The following SACM1L variants were observed in gnomAD, a reference collection of about 807,000 sequenced individuals.
SACM1L encodes phosphatidylinositol-3-phosphatase SAC1.
In SACM1L, 32 loss-of-function variants were observed where a neutral mutation model predicts 89.5. The ratio of observed to expected loss-of-function variants is 0.36; its 90% CI spans 0.27 to 0.48. SACM1L has a LOEUF of 0.48. Among genes scored for constraint, SACM1L ranks in the 20% least tolerant of loss-of-function variants. The pLI, the probability that SACM1L is intolerant of heterozygous loss-of-function variation, is 0.99. For missense variants in SACM1L, 543 were observed against 708.5 expected (o/e 0.77, Z 2.65); for synonymous variants, 213 against 232.8 (o/e 0.92, Z 0.77).
intron 7 of SACM1L, among the ~76,000 whole-genome samples, chr3:45,717,799 C>T (rs911985097): frequency 1.3e-5 from 2 of 152,154 alleles, no homozygotes; most frequent in Non-Finnish European, 2.9e-5. Context: ...GCCTGTAGTC[C>T]CAGCTACCTG....
chr3:45,711,757 G>C (rs1698537222), intron 5 of SACM1L, among the ~76,000 whole-genome samples: 1 of 152,068 alleles, frequency 6.6e-6, no homozygotes, highest in African/African-American at 2.4e-5. Context: ...CTTTGTTTTT[G>C]GTTCCTTGAT....
At chr3:45,742,051 T>C (rs1699327691) in intron 19 of SACM1L, among the ~76,000 whole-genome samples, 1 of 152,198 alleles carries the variant, frequency 6.6e-6, no homozygotes, top group Non-Finnish European at 1.5e-5. Context: ...TTCATTTTGT[T>C]GTTGTGACTA....
At chr3:45,691,164 A>C (rs2125677852) in intron 1 of SACM1L, among the ~76,000 whole-genome samples, 1 of 152,334 alleles carries the variant, frequency 6.6e-6, no homozygotes, top group South Asian at 2.1e-4. Context: ...AAACTCTTAA[A>C]TTATTTGGGT....
chr3:45,703,605 A>G lies in SACM1L; in HGVS notation c.130+70A>G, dbSNP rs1698323855. On this transcript the variant is annotated intron_variant, in intron 2 of 19. Coordinates refer to ENST00000389061, the MANE Select transcript of SACM1L (RefSeq NM_014016.5). ...ACATAAATTACAGTAATTAAAAAACATCACTCAGAGGTGTGTCAGTGTGTG... is the reference window on the plus strand; with the variant it reads ...ACATAAATTACAGTAATTAAAAAACGTCACTCAGAGGTGTGTCAGTGTGTG... 4.8e-6 allele frequency: 5 copies of G among 1,051,578 alleles called. No homozygotes were observed. The South Asian group carries it at 5.3e-5, about 11-fold the overall frequency. The allele number at this position is 1,051,578 out of a possible 1,614,324, so 65.1% of individuals were successfully genotyped here.
intron 1 of SACM1L, among the ~76,000 whole-genome samples, chr3:45,694,610 C>T (rs548274612): frequency 2.0e-5 from 3 of 152,250 alleles, no homozygotes; most frequent in East Asian, 1.9e-4. Context: ...CATCAAATGA[C>T]TTGGTATGCT....
chr3:45,737,163 C>A (rs778986092), intron 14 of SACM1L: 48 of 171,460 alleles, frequency 2.8e-4, no homozygotes, highest in Non-Finnish European at 5.2e-4. Context: ...GTCCCTGGGA[C>A]AGAGGGTAAG....
intron 1 of SACM1L, among the ~76,000 whole-genome samples, chr3:45,694,094 A>G (rs944283788): frequency 2.0e-5 from 3 of 152,222 alleles, no homozygotes; most frequent in Non-Finnish European, 4.4e-5. Context: ...TCAGACCTCA[A>G]GCTCATAATA....
chr3:45,694,678 G>C (rs1290082085), intron 1 of SACM1L, among the ~76,000 whole-genome samples: 1 of 152,126 alleles, frequency 6.6e-6, no homozygotes, highest in Non-Finnish European at 1.5e-5. Flanking sequence ...AAATCTCTGG[G>C]GATGAGCGGT....
At chr3:45,717,223 G>T (rs1698682630) in intron 7 of SACM1L, among the ~76,000 whole-genome samples, 1 of 152,190 alleles carries the variant, frequency 6.6e-6, no homozygotes. Flanking sequence ...AGCATTTGGT[G>T]TTCTCTTGTG....
chr3:45,718,038 A>T (rs1040609981), intron 7 of SACM1L, among the ~76,000 whole-genome samples: 1 of 152,264 alleles, frequency 6.6e-6, no homozygotes, highest in East Asian at 1.9e-4. Flanking sequence ...GATGAGGAGT[A>T]TACTCTGTAA....
chr3:45,716,594 T>TA (rs1450763259), intron 7 of SACM1L, among the ~76,000 whole-genome samples: 3 of 152,056 alleles, frequency 2.0e-5, no homozygotes, highest in Non-Finnish European at 4.4e-5. Context: ...CCTACCACTG[T>TA]AGAAGGGAAG....
At chr3:45,706,483 AAG>A (rs1189872667) in intron 3 of SACM1L, among the ~76,000 whole-genome samples, 1 of 152,228 alleles carries the variant, frequency 6.6e-6, no homozygotes, top group Non-Finnish European at 1.5e-5. Flanking sequence ...GAAAGAGAGA[AAG>A]AGAAGTATTT....
chr3:45,734,665 G>A (rs1182180550), intron 13 of SACM1L: 2 of 151,948 alleles, frequency 1.3e-5, no homozygotes, highest in Admixed American at 6.6e-5. Flanking sequence ...GGCTGGTCTC[G>A]AACTTCTGAG....
At chr3:45,702,242 T>G (rs1698292476) in intron 1 of SACM1L, among the ~76,000 whole-genome samples, 1 of 152,210 alleles carries the variant, frequency 6.6e-6, no homozygotes, top group African/African-American at 2.4e-5. Flanking sequence ...AAAGTTTGTT[T>G]TGCTGCAGGA....
At chr3:45,691,131 G>A (rs904206002) in intron 1 of SACM1L, among the ~76,000 whole-genome samples, 2 of 152,274 alleles carry the variant, frequency 1.3e-5, no homozygotes, top group Non-Finnish European at 2.9e-5. Flanking sequence ...TGATGTTTTT[G>A]TATTGATTTT....
intron 1 of SACM1L, among the ~76,000 whole-genome samples, chr3:45,694,087 G>A (rs34183571): frequency 0.096 from 14,553 of 152,264 alleles, 819 homozygotes; most frequent in East Asian, 0.14. Context: ...AGGCCCCTCA[G>A]ACCTCAAGCT....
At chr3:45,710,959 T>C (rs1277724931) in intron 5 of SACM1L, among the ~76,000 whole-genome samples, 2 of 152,122 alleles carry the variant, frequency 1.3e-5, no homozygotes, top group Non-Finnish European at 2.9e-5. Context: ...ACGTCAGCCA[T>C]GTACCAGGAA....
intron 1 of SACM1L, among the ~76,000 whole-genome samples, chr3:45,702,841 A>G (rs1465601405): frequency 6.6e-6 from 1 of 152,072 alleles, no homozygotes; most frequent in East Asian, 1.9e-4. Context: ...TTTCAGGAAC[A>G]TATATATGGG....
chr3:45,737,416 C>A, intron 14 of SACM1L, 167 bp from the exon 15 acceptor site: 1 of 671,244 alleles, frequency 1.5e-6, no homozygotes, highest in Non-Finnish European at 2.6e-6. Flanking sequence ...CTGCCCTGGG[C>A]AGGAGAGGGC....
Sources: gnomAD v4.1 joint callset for allele counts (sites outside exome capture counted in the v4.1 genomes callset) on GRCh38, gnomAD v4.1.1 for gene constraint, MANE v1.5 for transcripts, NCBI Gene and HGNC (gene_info 2026-07-23, HGNC 2026-07-21) for gene names.